Variants in ATP10A observed in about 807,000 individuals in gnomAD.
ATP10A encodes ATPase phospholipid transporting 10A (putative).
ATP10A carries 111 observed loss-of-function variants against 147.8 expected under a neutral mutation model. The ratio of observed to expected loss-of-function variants is 0.75; its 90% CI spans 0.64 to 0.88. The LOEUF is 0.88. ATP10A is among the 40% of genes least tolerant of loss of function. The pLI is 0.00. For missense variants in ATP10A, 1,927 were observed against 1,959.0 expected, an observed-to-expected ratio of 0.98 and a Z score of 0.31; for synonymous variants, 875 against 841.6, an observed-to-expected ratio of 1.04 and a Z score of -0.69.
At chr15:25,766,903 T>TAA (rs778348104) in intron 2 of ATP10A, among the ~76,000 whole-genome samples, 122 of 110,608 alleles carry the variant, frequency 1.1e-3, no homozygotes, top group African/African-American at 3.7e-3. Context: ...GAACTGTTTC[T>TAA]AAAAAAAAAA....
chr15:25,806,189 G>A (rs1270812066), intron 1 of ATP10A, among the ~76,000 whole-genome samples: 1 of 152,068 alleles, frequency 6.6e-6, no homozygotes, highest in Non-Finnish European at 1.5e-5. Context: ...CTGCCACCCT[G>A]AGGCAGCAAG....
chr15:25,690,258 AAG>A (rs1207383165), intron 15 of ATP10A, among the ~76,000 whole-genome samples: 1 of 147,740 alleles, frequency 6.8e-6, no homozygotes, highest in African/African-American at 2.6e-5. Flanking sequence ...AAAAAAAAAA[AAG>A]AGAGACTGGG....
At chr15:25,725,083 A>C (rs1902459695) in intron 5 of ATP10A, among the ~76,000 whole-genome samples, 1 of 152,142 alleles carries the variant, frequency 6.6e-6, no homozygotes, top group Non-Finnish European at 1.5e-5. Flanking sequence ...GTGAGTGAGC[A>C]TTCCCACCTG....
intron 2 of ATP10A, among the ~76,000 whole-genome samples, chr15:25,754,745 A>G (rs1284889691): frequency 1.3e-5 from 2 of 152,200 alleles, no homozygotes; most frequent in Admixed American, 6.5e-5. Context: ...TTGGCCCTGT[A>G]ACCTGCAAAT....
At chr15:25,754,235 G>A (rs1482953007) in intron 2 of ATP10A, among the ~76,000 whole-genome samples, 1 of 152,212 alleles carries the variant, frequency 6.6e-6, no homozygotes, top group African/African-American at 2.4e-5. Context: ...CTGGGTTCAA[G>A]AGATTCTCCT....
At chr15:25,766,261 T>G (rs1364971614) in intron 2 of ATP10A, among the ~76,000 whole-genome samples, 1 of 152,076 alleles carries the variant, frequency 6.6e-6, no homozygotes, top group Non-Finnish European at 1.5e-5. Context: ...GAGATACAAT[T>G]CAAGTTGAGA....
At chr15:25,720,639 G>A (rs1401674510) in intron 7 of ATP10A, among the ~76,000 whole-genome samples, 1 of 151,140 alleles carries the variant, frequency 6.6e-6, no homozygotes, top group East Asian at 2.0e-4. Flanking sequence ...AAGGAGGCTG[G>A]TGGGAGGGAG....
chr15:25,707,117 T>C (rs780373900), intron 12 of ATP10A, among the ~76,000 whole-genome samples: 2 of 152,222 alleles, frequency 1.3e-5, no homozygotes, highest in African/African-American at 2.4e-5. Flanking sequence ...ATATAAAATG[T>C]GTGCAGATAT....
chr15:25,756,599 T>C (rs937647937), intron 2 of ATP10A, among the ~76,000 whole-genome samples: 4 of 151,864 alleles, frequency 2.6e-5, no homozygotes, highest in Non-Finnish European at 5.9e-5. Context: ...GCCGAGATCC[T>C]ACCACTGCAC....
At chr15:25,750,845 T>A (rs1379776032) in intron 2 of ATP10A, among the ~76,000 whole-genome samples, 1 of 151,916 alleles carries the variant, frequency 6.6e-6, no homozygotes, top group Non-Finnish European at 1.5e-5. Flanking sequence ...TCAGGATGAA[T>A]TAAAGATGTA....
intron 2 of ATP10A, among the ~76,000 whole-genome samples, chr15:25,756,706 A>T (rs1002749402): frequency 6.6e-6 from 1 of 152,242 alleles, no homozygotes; most frequent in African/African-American, 2.4e-5. Flanking sequence ...ATTCTATCTG[A>T]AAGAAACAGA....
chr15:25,850,261 G>A (rs1236663619), intron 1 of ATP10A, among the ~76,000 whole-genome samples: 1 of 152,128 alleles, frequency 6.6e-6, no homozygotes, highest in East Asian at 1.9e-4. Flanking sequence ...AGGAACAGGG[G>A]CCTCCCCAGC....
chr15:25,843,870 G>A (rs1419363612), intron 1 of ATP10A, among the ~76,000 whole-genome samples: 8 of 152,096 alleles, frequency 5.3e-5, no homozygotes, highest in Admixed American at 4.6e-4. Context: ...TCAAGAACAC[G>A]GACCAGGCAC....
chr15:25,747,055 G>C (rs1255833969), intron 2 of ATP10A, among the ~76,000 whole-genome samples: 1 of 152,198 alleles, frequency 6.6e-6, no homozygotes, highest in East Asian at 1.9e-4. Context: ...GGGAGGCCAA[G>C]GCGGGTGGAT....
At chr15:25,752,241 T>G (rs547026995) in intron 2 of ATP10A, among the ~76,000 whole-genome samples, 1 of 152,014 alleles carries the variant, frequency 6.6e-6, no homozygotes, top group African/African-American at 2.4e-5. Flanking sequence ...TTTACAATAA[T>G]GGAATCAACC....
chr15:25,716,838 G>T lies in ATP10A; in HGVS notation c.1668C>A (p.His556Gln), dbSNP rs151329084. Residue 556 changes from histidine to glutamine, a missense_variant, in exon 9 of 21, where the codon CAC (histidine) becomes CAA (glutamine). Transcript: ENST00000555815. ...GCTCAGGCGAGAGGTGGGCCAGCAG[G>T]TGCTCCTGATGCCTCGCCACGGCTA... ...KSLAVARHQEHLLAHLSPELS... is the reference protein window; with the variant it reads ...KSLAVARHQEQLLAHLSPELS... The T allele has an allele frequency of 6.2e-7, 1 of 1,610,900 alleles. No individual in the cohort carries two copies. Among genetic ancestry groups the T allele is most frequent in the African/African-American group, 1.3e-5 (1 of 74,776 alleles).
At chr15:25,695,490 G>T (rs551351907) in intron 13 of ATP10A, among the ~76,000 whole-genome samples, 1 of 152,132 alleles carries the variant, frequency 6.6e-6, no homozygotes, top group Non-Finnish European at 1.5e-5. Flanking sequence ...TTAGCCAGGC[G>T]TGGTGGTGGG....
At chr15:25,696,962 G>A (rs1293966671) in intron 13 of ATP10A, among the ~76,000 whole-genome samples, 1 of 152,176 alleles carries the variant, frequency 6.6e-6, no homozygotes, top group Admixed American at 6.5e-5. Context: ...CTTCTATTCT[G>A]CCCCCACTTG....
chr15:25,718,351 ACCT>A lies in ATP10A; in HGVS notation c.1409_1411del (p.Glu470del), dbSNP rs746131955. 10 of 1,608,718 alleles carry A rather than the reference ACCT, an allele frequency of 6.2e-6. No homozygotes were observed. The highest frequency in any genetic ancestry group is 1.7e-5 in the Admixed American group (1 of 59,644). ...GGACACCGAGCCCCCTCTGGGCACCACCTCCTCCTCCTCCGAGTCTGCCTCTTG... is the reference window on the plus strand; with the variant it reads ...GGACACCGAGCCCCCTCTGGGCACCACCTCCTCCTCCGAGTCTGCCTCTTG... On this transcript the variant is annotated inframe_deletion, in exon 8 of 21. Transcript: ENST00000555815.
Sources: allele counts gnomAD v4.1 joint callset (sites outside exome capture counted in the v4.1 genomes callset), GRCh38; gene constraint gnomAD v4.1.1; transcripts MANE v1.5; gene names NCBI Gene and HGNC (gene_info 2026-07-23, HGNC 2026-07-21).